ANK3: variants seen among roughly 807,000 people sequenced by gnomAD.
ANK3 encodes the protein ankyrin-3.
Under a neutral mutation model 370.9 loss-of-function variants are expected in ANK3, and 57 were observed. That is an observed-to-expected ratio of 0.15 (90% confidence interval 0.12 to 0.19). The LOEUF (loss-of-function observed/expected upper bound fraction) is 0.19. Among genes scored for constraint, ANK3 ranks in the 10% least tolerant of loss-of-function variants. The pLI, the probability that ANK3 is intolerant of heterozygous loss-of-function variation, is 1.00. For synonymous variants in ANK3, 1,929 were observed against 1,946.3 expected, an observed-to-expected ratio of 0.99 and a Z score of 0.23; for missense variants, 4,439 against 5,302.1, an observed-to-expected ratio of 0.84 and a Z score of 5.06.
intron 1 of ANK3, among the ~76,000 whole-genome samples, chr10:60,728,151 T>C (rs2079969116): frequency 6.6e-6 from 1 of 152,138 alleles, no homozygotes; most frequent in South Asian, 2.1e-4. Context: ...CTACCACTGA[T>C]AATATCTCAA....
intron 1 of ANK3, among the ~76,000 whole-genome samples, chr10:60,358,443 G>A (rs1175002002): frequency 6.6e-6 from 1 of 151,982 alleles, no homozygotes; most frequent in Non-Finnish European, 1.5e-5. Flanking sequence ...TCTTTCCCCT[G>A]CCTCACTGTG....
At chr10:60,693,008 G>A (rs930478024) in intron 1 of ANK3, among the ~76,000 whole-genome samples, 1 of 152,188 alleles carries the variant, frequency 6.6e-6, no homozygotes, top group African/African-American at 2.4e-5. Flanking sequence ...ATCTCACTAG[G>A]GAGTGCCAGA....
At chr10:60,478,930 T>C (rs1307517843) in intron 2 of ANK3, among the ~76,000 whole-genome samples, 1 of 152,100 alleles carries the variant, frequency 6.6e-6, no homozygotes. Context: ...AATGCTGTTC[T>C]TGGCATACGA....
chr10:60,678,522 T>C (rs1349645399), intron 1 of ANK3, among the ~76,000 whole-genome samples: 2 of 152,174 alleles, frequency 1.3e-5, no homozygotes, highest in Non-Finnish European at 2.9e-5. Context: ...TTTATTTTCC[T>C]TGGAATTAAG....
chr10:60,695,430 C>T (rs1264879516), intron 1 of ANK3, among the ~76,000 whole-genome samples: 2 of 152,152 alleles, frequency 1.3e-5, no homozygotes, highest in Admixed American at 6.5e-5. Flanking sequence ...CTCTCCACCC[C>T]AAATCAACAG....
intron 1 of ANK3, among the ~76,000 whole-genome samples, chr10:60,621,042 T>G (rs1212162034): frequency 6.6e-6 from 1 of 152,212 alleles, no homozygotes; most frequent in Non-Finnish European, 1.5e-5. Flanking sequence ...CAAGTCTGTC[T>G]TCAGAGCCCT....
At chr10:60,257,907 GA>G (rs1288262092) in intron 7 of ANK3, among the ~76,000 whole-genome samples, 8 of 152,174 alleles carry the variant, frequency 5.3e-5, no homozygotes, top group African/African-American at 1.7e-4. Context: ...CTCAAAATGG[GA>G]AGTTGAATAA....
chr10:60,221,243 C>T (rs2097051516), intron 8 of ANK3, among the ~76,000 whole-genome samples: 1 of 152,030 alleles, frequency 6.6e-6, no homozygotes, highest in South Asian at 2.1e-4. Flanking sequence ...CCACGCCTGG[C>T]TAATTTTTGT....
chr10:60,331,299 A>G (rs2051233188), intron 1 of ANK3, among the ~76,000 whole-genome samples: 1 of 152,036 alleles, frequency 6.6e-6, no homozygotes, highest in Non-Finnish European at 1.5e-5. Context: ...ATATTAAATG[A>G]TCTGATAAAA....
chr10:60,582,056 G>A (rs920409032), intron 2 of ANK3, among the ~76,000 whole-genome samples: 1 of 152,212 alleles, frequency 6.6e-6, no homozygotes, highest in African/African-American at 2.4e-5. Flanking sequence ...TCACTCATAA[G>A]TGGGAGTTCA....
intron 1 of ANK3, among the ~76,000 whole-genome samples, chr10:60,292,425 C>A (rs1164910045): frequency 6.6e-6 from 1 of 151,694 alleles, no homozygotes; most frequent in Non-Finnish European, 1.5e-5. Context: ...TACAGCAGCC[C>A]TGGAGAATTT....
intron 1 of ANK3, among the ~76,000 whole-genome samples, chr10:60,305,380 C>T (rs2044788955): frequency 1.3e-5 from 2 of 151,986 alleles, no homozygotes; most frequent in African/African-American, 4.8e-5. Context: ...AGATGTCTGG[C>T]TCTAGGCAGG....
chr10:60,245,493 T>C (rs1483750191), intron 7 of ANK3, among the ~76,000 whole-genome samples: 1 of 152,214 alleles, frequency 6.6e-6, no homozygotes, highest in East Asian at 1.9e-4. Flanking sequence ...CATTAGGTGG[T>C]CACTTCCCAT....
At chr10:60,627,773 C>G (rs1249134530) in intron 1 of ANK3, among the ~76,000 whole-genome samples, 1 of 152,094 alleles carries the variant, frequency 6.6e-6, no homozygotes, top group Non-Finnish European at 1.5e-5. Context: ...CTGAATAGTA[C>G]TTTTTGTATA....
chr10:60,121,547 C>A (rs138524089), intron 25 of ANK3, among the ~76,000 whole-genome samples: 31 of 151,860 alleles, frequency 2.0e-4, no homozygotes, highest in African/African-American at 7.2e-4. Context: ...CAAAAAAGAG[C>A]CAAGCGTGGT....
chr10:60,568,903 T>C (rs941603260), intron 2 of ANK3, among the ~76,000 whole-genome samples: 1 of 152,208 alleles, frequency 6.6e-6, no homozygotes, highest in Non-Finnish European at 1.5e-5. Flanking sequence ...GGAAAGGCCA[T>C]GTGAGCACAT....
chr10:60,306,439 A>ATG, intron 1 of ANK3, among the ~76,000 whole-genome samples: 1 of 63,048 alleles, frequency 1.6e-5, no homozygotes, highest in African/African-American at 4.9e-5. Flanking sequence ...ATATATATAT[A>ATG]TATATATATA....
chr10:60,557,298 T>C (rs547940829), intron 2 of ANK3, among the ~76,000 whole-genome samples: 1 of 152,248 alleles, frequency 6.6e-6, no homozygotes, highest in South Asian at 2.1e-4. Flanking sequence ...GGAATATTAT[T>C]CAGCTAAAAA....
chr10:60,305,901 C>T (rs1032537122), intron 1 of ANK3, among the ~76,000 whole-genome samples: 9 of 152,194 alleles, frequency 5.9e-5, no homozygotes, highest in Non-Finnish European at 1.2e-4. Context: ...GTGCCGCTTT[C>T]ACAGTCGGAT....
Sources: gnomAD v4.1 joint callset for allele counts (sites outside exome capture counted in the v4.1 genomes callset) on GRCh38, gnomAD v4.1.1 for gene constraint, MANE v1.5 for transcripts, NCBI Gene and HGNC (gene_info 2026-07-23, HGNC 2026-07-21) for gene names.